The following SETDB2 variants were observed in gnomAD, a reference collection of about 807,000 sequenced individuals.
SETDB2 encodes the protein SET domain bifurcated histone lysine methyltransferase 2.
In SETDB2, 56 loss-of-function variants were observed where a neutral mutation model predicts 82.5. That is an observed-to-expected ratio of 0.68 (90% confidence interval 0.55 to 0.85). SETDB2 has a LOEUF of 0.85. Ranked by LOEUF, SETDB2 falls within the 40% of genes least tolerant of loss-of-function variation. SETDB2 has a pLI of 0.00. For synonymous variants in SETDB2, 272 were observed against 284.9 expected (o/e 0.95, Z 0.46); for missense variants, 677 against 816.4 (o/e 0.83, Z 2.08).
Position 49,471,935 on chromosome 13 carries a change from T to TATATATATA in SETDB2, c.305+3975_305+3976insATATATATA, listed in dbSNP as rs561242564. Among the ~76,000 whole-genome samples the TATATATATA allele has an allele frequency of 6.7e-3, 664 of 99,632 alleles. 8 individuals are homozygous for TATATATATA. The highest frequency in any genetic ancestry group is 0.05 in the East Asian group (162 of 3,236). The allele number at this position is 99,632 out of a possible 152,430, so 65.4% of individuals were successfully genotyped here. On this transcript the variant is annotated intron_variant, in intron 5 of 13. Coordinates refer to ENST00000611815, the MANE Select transcript of SETDB2 (RefSeq NM_001160308.3). ...TGACATATATATATATATATATATA[T>TATATATATA]TTTTTTTTTTTTTTAAATAGAGACA...
At chr13:49,468,593 A>G (rs1252934888) in intron 5 of SETDB2, among the ~76,000 whole-genome samples, 3 of 118,514 alleles carry the variant, frequency 2.5e-5, no homozygotes, top group South Asian at 5.8e-4. Context: ...ACAAAGAAGT[A>G]TCTTTAGAAA....
intron 2 of SETDB2, chr13:49,459,858 C>G: frequency 3.1e-6 from 1 of 317,898 alleles, no homozygotes; most frequent in East Asian, 7.1e-5. Flanking sequence ...GTTTTCTAGT[C>G]AAGAAAGTGT....
chr13:49,490,121 A>G (rs939396137), intron 12 of SETDB2, among the ~76,000 whole-genome samples: 7 of 151,184 alleles, frequency 4.6e-5, no homozygotes, highest in African/African-American at 1.7e-4. Flanking sequence ...TACTAAAAAT[A>G]CAAAAAAAAT....
chr13:49,488,754 A>G lies in SETDB2; in HGVS notation c.1917+124A>G, dbSNP rs116956803. The G allele has an allele frequency of 2.7e-3, 2,002 of 729,214 alleles. 8 individuals are homozygous for G. The highest frequency in any genetic ancestry group is 4.4e-3 in the Admixed American group (141 of 31,820). 45.2% of individuals were successfully genotyped at this position (729,214 alleles called of 1,614,324 possible). A position where few individuals can be genotyped will look rare whatever the true frequency, so the allele number is the denominator to read the frequency against. On this transcript the variant is annotated intron_variant, in intron 12 of 13. Transcript: ENST00000611815. ...CATCTGGTTAGAATTCCAGTCCTCCACTTGTATACAGTTGGATGTTTTACT... is the reference window on the plus strand; with the variant it reads ...CATCTGGTTAGAATTCCAGTCCTCCGCTTGTATACAGTTGGATGTTTTACT...
intron 6 of SETDB2, 129 bp from the exon 7 acceptor site, chr13:49,480,090 T>A (rs1449555722): frequency 5.0e-6 from 3 of 602,870 alleles, no homozygotes; most frequent in Non-Finnish European, 8.8e-6. Flanking sequence ...AAGCTGATAG[T>A]GTTCATGAGC....
In SETDB2 at chr13:49,489,596, C is replaced by CTTTTTT. The variant is rs58715452; in HGVS notation, c.1917+980_1917+985dup. ...CTCTCTGTAGGTCATCATATTTATT[C>CTTTTTT]TTTTTTTTTTTTTTTTTTTGAGACC... On this transcript the variant is annotated intron_variant, in intron 12 of 13. Coordinates refer to ENST00000611815, the MANE Select transcript of SETDB2 (RefSeq NM_001160308.3). Among the ~76,000 whole-genome samples, 34 of 100,550 alleles carry CTTTTTT rather than the reference C, an allele frequency of 3.4e-4. 1 individual carries two copies. The highest frequency in any genetic ancestry group is 9.6e-4 in the East Asian group (3 of 3,140). The allele number at this position is 100,550 out of a possible 152,430, so 66.0% of individuals were successfully genotyped here.
At chr13:49,476,228 C>T (rs894574601) in intron 5 of SETDB2, among the ~76,000 whole-genome samples, 1 of 152,152 alleles carries the variant, frequency 6.6e-6, no homozygotes, top group African/African-American at 2.4e-5. Flanking sequence ...CAAGGCTGCT[C>T]TGTGCTGTGA....
At position 49,494,048 on chromosome 13, in the gene SETDB2, C is replaced by T. The variant is rs1373377996; in HGVS notation, c.*2199C>T. ...AGATGTTAGACCTCCAGAATTTGAT[C>T]TCTAATTTTCCTATCTTTTCTCTTA... On this transcript the variant is annotated 3_prime_UTR_variant, in exon 14 of 14. Transcript: ENST00000611815. 6.6e-6 allele frequency: 1 copy of T among 152,148 alleles called. No homozygotes were observed. Among genetic ancestry groups the T allele is most frequent in the Non-Finnish European group, 1.5e-5 (1 of 68,018 alleles). The allele number at this position is 152,148 out of a possible 1,614,324, so 9.4% of individuals were successfully genotyped here. A position where few individuals can be genotyped will look rare whatever the true frequency, so the allele number is the denominator to read the frequency against.
In SETDB2 at chr13:49,480,238, C is replaced by G; in HGVS notation, c.889C>G (p.Gln297Glu). 6.2e-7 allele frequency: 1 copy of G among 1,609,112 alleles called. No individual in the cohort carries two copies. Among genetic ancestry groups the G allele is most frequent in the Non-Finnish European group, 8.5e-7 (1 of 1,178,454 alleles). ...CIDITKCACL[Q>E]LTARNAKTSP... ...TTTTAGAACAAAATGTGCATGTCTTCAACTGACAGCAAGGAATGCCAAAAC... is the reference window on the plus strand; with the variant it reads ...TTTTAGAACAAAATGTGCATGTCTTGAACTGACAGCAAGGAATGCCAAAAC... Residue 297 changes from glutamine (Q) to glutamate (E), a missense_variant, in exon 7 of 14, where the codon CAA (glutamine) becomes GAA (glutamate). Coordinates refer to ENST00000611815, the MANE Select transcript of SETDB2 (RefSeq NM_001160308.3).
chr13:49,476,046 G>A (rs1297626157), intron 5 of SETDB2, among the ~76,000 whole-genome samples: 1 of 152,184 alleles, frequency 6.6e-6, no homozygotes, highest in South Asian at 2.1e-4. Flanking sequence ...ATTGATTCAT[G>A]CTCTAAATGA....
chr13:49,461,277 C>A, intron 4 of SETDB2, 115 bp downstream of exon 4: 1 of 686,178 alleles, frequency 1.5e-6, no homozygotes, highest in East Asian at 2.7e-5. Context: ...AATCTAACAT[C>A]CACATTTCTA....
chr13:49,488,402 C>T lies in SETDB2; in HGVS notation c.1689C>T (p.Asn563=). Reference sequence around the variant, plus strand: ...AAACTCCACCAAGGAGCAGATGTAACCAGGCGACCACATTGGATAATCAGA... The same window carrying T: ...AAACTCCACCAAGGAGCAGATGTAATCAGGCGACCACATTGGATAATCAGA... ...REETPPRSRC[N]QATTLDNQNI... The change falls in exon 12 of 14, where the codon AAC becomes AAT. Residue 563 remains asparagine, a synonymous_variant. Coordinates refer to ENST00000611815, the MANE Select transcript of SETDB2 (RefSeq NM_001160308.3). 1.9e-6 allele frequency: 3 copies of T among 1,613,976 alleles called. No individual in the cohort carries two copies. Among genetic ancestry groups the T allele is most frequent in the Non-Finnish European group, 2.5e-6 (3 of 1,179,978 alleles).
At chr13:49,464,199 A>G (rs1958055477) in intron 4 of SETDB2, 3 of 637,242 alleles carry the variant, frequency 4.7e-6, no homozygotes, top group East Asian at 5.5e-5. Context: ...GTCTGAGTAT[A>G]GTACTGACTT....
At chr13:49,451,509 G>T (rs894164085) in intron 1 of SETDB2, 44 bp from the exon 2 acceptor site, 2 of 139,058 alleles carry the variant, frequency 1.4e-5, no homozygotes, top group African/African-American at 5.3e-5. Flanking sequence ...ATATATATGT[G>T]GTCCTTTACA....
In SETDB2 at chr13:49,459,466, T is replaced by C. The variant is rs566810266; in HGVS notation, c.17-641T>C. Among the ~76,000 whole-genome samples the C allele has an allele frequency of 3.3e-5, 5 of 152,310 alleles. No homozygotes were observed. In the South Asian group the frequency reaches 1.0e-3, roughly 32 times the overall value. ...AACATTGTATAAATATGCTTAGCAT[T>C]TTAGGTATTTTTGTTACTTTTAAAC... On this transcript the variant is annotated intron_variant, in intron 2 of 13. Coordinates refer to ENST00000611815, the MANE Select transcript of SETDB2 (RefSeq NM_001160308.3).
chr13:49,474,483 A>T (rs978614509), intron 5 of SETDB2, among the ~76,000 whole-genome samples: 9 of 152,232 alleles, frequency 5.9e-5, no homozygotes, highest in Non-Finnish European at 1.3e-4. Context: ...TTCTGGGAAT[A>T]TGTTCTGCAA....
intron 12 of SETDB2, among the ~76,000 whole-genome samples, chr13:49,490,397 A>G (rs990091681): frequency 6.6e-6 from 1 of 151,944 alleles, no homozygotes; most frequent in African/African-American, 2.4e-5. Flanking sequence ...ATTGTGTACC[A>G]AAGTTTATTT....
chr13:49,468,146 T>G (rs917211940), intron 5 of SETDB2, among the ~76,000 whole-genome samples, 186 bp downstream of exon 5: 2 of 152,208 alleles, frequency 1.3e-5, no homozygotes, highest in African/African-American at 4.8e-5. Flanking sequence ...TATTGAATAT[T>G]CCTAGTTAAT....
At chr13:49,446,084 G>A in intron 1 of SETDB2, 1 of 266,250 alleles carries the variant, frequency 3.8e-6, no homozygotes, top group South Asian at 3.4e-5. Flanking sequence ...CTATTACTGA[G>A]TGTGCTTAGG....
Sources: gnomAD v4.1 joint callset for allele counts (sites outside exome capture counted in the v4.1 genomes callset) on GRCh38, gnomAD v4.1.1 for gene constraint, MANE v1.5 for transcripts, NCBI Gene and HGNC (gene_info 2026-07-23, HGNC 2026-07-21) for gene names.